The following ZCCHC24 variants were observed in gnomAD, a reference collection of about 807,000 sequenced individuals.
ZCCHC24 encodes the protein zinc finger CCHC-type containing 24.
Under a neutral mutation model 26.2 loss-of-function variants are expected in ZCCHC24, and 10 were observed. That is an observed-to-expected ratio of 0.38 (90% CI 0.24 to 0.65). The LOEUF (loss-of-function observed/expected upper bound fraction) is 0.65. ZCCHC24 is among the 30% of genes least tolerant of loss of function. The pLI, the probability that ZCCHC24 is intolerant of heterozygous loss-of-function variation, is 0.54. For synonymous variants in ZCCHC24, 144 were observed against 147.1 expected, an observed-to-expected ratio of 0.98 and a Z score of 0.15; for missense variants, 243 against 329.1, an observed-to-expected ratio of 0.74 and a Z score of 2.03.
At position 79,417,733 on chromosome 10, in the gene ZCCHC24, G is replaced by A. The variant is rs562060580; in HGVS notation, c.447+14825C>T. Among the ~76,000 whole-genome samples the A allele has an allele frequency of 9.2e-5, 14 of 152,334 alleles. No homozygotes were observed. In the East Asian group the frequency reaches 9.6e-4, roughly 10 times the overall value. On this transcript the variant is annotated intron_variant, in intron 2 of 3. Transcript: ENST00000372336. The stretch of plus-strand genomic sequence containing the variant: ...CCAGCAAATGAGACGAAGGTGCTCC[G>A]TGAGCCAGGCATGAGGAAGGCCTGA...
At chr10:79,412,842 A>T (rs1288389250) in intron 2 of ZCCHC24, among the ~76,000 whole-genome samples, 2 of 152,212 alleles carry the variant, frequency 1.3e-5, no homozygotes, top group African/African-American at 4.8e-5. Context: ...GGATAATAAG[A>T]TCGATCAGGC....
chr10:79,387,785 G>C (rs1303622947), intron 3 of ZCCHC24, among the ~76,000 whole-genome samples: 2 of 152,252 alleles, frequency 1.3e-5, no homozygotes, highest in African/African-American at 2.4e-5. Context: ...AGGACACTCA[G>C]AGCGGTCTGG....
intron 2 of ZCCHC24, among the ~76,000 whole-genome samples, chr10:79,398,600 A>G (rs1185448013): frequency 6.6e-6 from 1 of 152,160 alleles, no homozygotes; most frequent in African/African-American, 2.4e-5. Flanking sequence ...GTAGCTCTCT[A>G]TCCCTGGGTA....
intron 1 of ZCCHC24, among the ~76,000 whole-genome samples, chr10:79,440,229 C>T (rs1419693282): frequency 6.6e-6 from 1 of 152,186 alleles, no homozygotes; most frequent in Non-Finnish European, 1.5e-5. Flanking sequence ...TTTCCCCATC[C>T]AGACAATGCG....
At chr10:79,388,268 G>A (rs1856427334) in intron 3 of ZCCHC24, among the ~76,000 whole-genome samples, 1 of 152,090 alleles carries the variant, frequency 6.6e-6, no homozygotes, top group African/African-American at 2.4e-5. Flanking sequence ...GTGGGAGGGG[G>A]ACACCAGCTG....
Position 79,383,386 on chromosome 10 carries a change from T to C in ZCCHC24, c.*2959A>G, listed in dbSNP as rs1462859756. 2 of 152,558 alleles carry C rather than the reference T, an allele frequency of 1.3e-5. No individual in the cohort carries two copies. Among genetic ancestry groups the C allele is most frequent in the African/African-American group, 4.8e-5 (2 of 41,442 alleles). The allele number at this position is 152,558 out of a possible 1,614,324, so 9.5% of individuals were successfully genotyped here. A position where few individuals can be genotyped will look rare whatever the true frequency, so the allele number is the denominator to read the frequency against. ...ATATTTCCTTCTGAATGTAGTTCAG[T>C]TGCATATTTTTACAGACCAAAGCAT... On this transcript the variant is annotated 3_prime_UTR_variant, in exon 4 of 4. Transcript: ENST00000372336.
chr10:79,397,279 G>T (rs1856559254), intron 2 of ZCCHC24, among the ~76,000 whole-genome samples: 1 of 152,224 alleles, frequency 6.6e-6, no homozygotes, highest in South Asian at 2.1e-4. Context: ...GAGCTCCAGG[G>T]CAGGGCTGCC....
At chr10:79,432,814 A>AC in intron 1 of ZCCHC24, 56 bp from the exon 2 acceptor site, 1 of 1,556,686 alleles carries the variant, frequency 6.4e-7, no homozygotes. Flanking sequence ...AAGTTCCATA[A>AC]CCCCCCACCC....
chr10:79,444,249 A>T (rs1242449938), intron 1 of ZCCHC24: 1 of 1,462,770 alleles, frequency 6.8e-7, no homozygotes, highest in Non-Finnish European at 9.0e-7. Context: ...GGCAGGAGTA[A>T]ATGGAGGGAG....
intron 2 of ZCCHC24, among the ~76,000 whole-genome samples, chr10:79,413,391 G>A (rs1013247488): frequency 2.6e-5 from 4 of 152,230 alleles, no homozygotes; most frequent in Admixed American, 6.5e-5. Flanking sequence ...GGCACAAGGC[G>A]GGCACCCGTC....
At chr10:79,402,932 A>G (rs1299212195) in intron 2 of ZCCHC24, among the ~76,000 whole-genome samples, 1 of 152,164 alleles carries the variant, frequency 6.6e-6, no homozygotes, top group African/African-American at 2.4e-5. Flanking sequence ...TCATTTGTTC[A>G]CCTAATTTAC....
Position 79,385,591 on chromosome 10 carries a change from G to C in ZCCHC24, c.*754C>G, listed in dbSNP as rs532027246. The C allele has an allele frequency of 1.1e-3, 162 of 152,594 alleles. No homozygotes were observed. Among genetic ancestry groups the C allele is most frequent in the Non-Finnish European group, 1.7e-3 (116 of 68,166 alleles). The allele number at this position is 152,594 out of a possible 1,614,324, so 9.5% of individuals were successfully genotyped here. A position where few individuals can be genotyped will look rare whatever the true frequency, so the allele number is the denominator to read the frequency against. On this transcript the variant is annotated 3_prime_UTR_variant, in exon 4 of 4. Transcript: ENST00000372336. The surrounding 1 kb of genome is among the most constrained non-coding windows in gnomAD (Gnocchi z 4.3). Reference sequence around the variant, plus strand: ...GAGTGGGTGGGAGGCAGAGGGGAAGGAAAGGGAGTGGGGCTGACAAAACCT... The same window carrying C: ...GAGTGGGTGGGAGGCAGAGGGGAAGCAAAGGGAGTGGGGCTGACAAAACCT...
In ZCCHC24 at chr10:79,400,165, T is replaced by C. The variant is rs939299022; in HGVS notation, c.448-5725A>G. Among the ~76,000 whole-genome samples the C allele has an allele frequency of 9.9e-5, 15 of 152,240 alleles. No individual in the cohort carries two copies. The East Asian group carries it at 2.1e-3, about 21-fold the overall frequency. ...TTTCTATAGGACAACTTCAAACTTC[T>C]GTAAGCCTTCAAACTTTAAAAAAAT... On this transcript the variant is annotated intron_variant, in intron 2 of 3. Coordinates refer to ENST00000372336, the MANE Select transcript of ZCCHC24 (RefSeq NM_153367.4).
intron 2 of ZCCHC24, among the ~76,000 whole-genome samples, chr10:79,419,382 C>T (rs565276477): frequency 1.3e-5 from 2 of 152,318 alleles, no homozygotes; most frequent in East Asian, 1.9e-4. Flanking sequence ...GTGGGCAACA[C>T]GGCGAAGGAC....
chr10:79,430,170 C>T (rs1159600051), intron 2 of ZCCHC24, among the ~76,000 whole-genome samples: 1 of 152,180 alleles, frequency 6.6e-6, no homozygotes, highest in Non-Finnish European at 1.5e-5. Context: ...TCACTATGTC[C>T]TCACAATACC....
intron 2 of ZCCHC24, among the ~76,000 whole-genome samples, chr10:79,407,241 C>T (rs565042089): frequency 2.0e-4 from 31 of 152,332 alleles, no homozygotes; most frequent in African/African-American, 7.5e-4. Context: ...CCCCAGGGAG[C>T]GCCTGTCCCA....
At chr10:79,390,618 C>T (rs1165694233) in intron 3 of ZCCHC24, among the ~76,000 whole-genome samples, 5 of 152,216 alleles carry the variant, frequency 3.3e-5, no homozygotes, top group Non-Finnish European at 7.3e-5. Context: ...TGGCCTGCCA[C>T]TGGGCGAGGA....
In ZCCHC24 at chr10:79,431,256, C is replaced by T. The variant is rs1456667577; in HGVS notation, c.447+1302G>A. Reference sequence around the variant, plus strand: ...CATGCCCTTAAGGACCAACTAGATCCTCAGTTGCCTGTTTGCCCCTCATTC... The same window carrying T: ...CATGCCCTTAAGGACCAACTAGATCTTCAGTTGCCTGTTTGCCCCTCATTC... On this transcript the variant is annotated intron_variant, in intron 2 of 3. Coordinates refer to ENST00000372336, the MANE Select transcript of ZCCHC24 (RefSeq NM_153367.4). Among the ~76,000 whole-genome samples the T allele has an allele frequency of 2.0e-5, 3 of 152,222 alleles. No individual in the cohort carries two copies. The East Asian group carries it at 5.8e-4, about 29-fold the overall frequency.
intron 2 of ZCCHC24, among the ~76,000 whole-genome samples, chr10:79,404,250 C>T (rs533822740): frequency 6.6e-6 from 1 of 152,354 alleles, no homozygotes; most frequent in South Asian, 2.1e-4. Flanking sequence ...GCAAGAAGCC[C>T]CCTCTCCAAA....
Sources: gnomAD v4.1 joint callset for allele counts (sites outside exome capture counted in the v4.1 genomes callset) on GRCh38, gnomAD v4.1.1 for gene constraint, Gnocchi (gnomAD v3.1) non-coding constraint, MANE v1.5 for transcripts, NCBI Gene and HGNC (gene_info 2026-07-23, HGNC 2026-07-21) for gene names.